STXBP5L: variants seen among roughly 807,000 people sequenced by gnomAD.
STXBP5L encodes syntaxin-binding protein 5-like.
A neutral mutation model predicts 144.5 loss-of-function variants in STXBP5L; 65 were observed. The ratio of observed to expected loss-of-function variants is 0.45; its 90% CI spans 0.37 to 0.55. The LOEUF (loss-of-function observed/expected upper bound fraction) is 0.55. STXBP5L is among the 20% of genes least tolerant of loss of function. The pLI is 0.00. For missense variants in STXBP5L, 1,298 were observed against 1,405.5 expected (o/e 0.92, Z 1.22); for synonymous variants, 505 against 469.6 (o/e 1.08, Z -0.97).
At chr3:121,381,254 C>T (rs1194752691) in intron 21 of STXBP5L, 39 bp from the exon 22 acceptor site, 1 of 1,509,498 alleles carries the variant, frequency 6.6e-7, no homozygotes, top group East Asian at 2.3e-5. Context: ...TGGAAATATA[C>T]TAACAATTTG....
chr3:121,098,897 T>G (rs1215492191), intron 5 of STXBP5L, among the ~76,000 whole-genome samples: 1 of 152,074 alleles, frequency 6.6e-6, no homozygotes, highest in Non-Finnish European at 1.5e-5. Flanking sequence ...AGAAAATAAT[T>G]TTCTCCATTT....
chr3:121,400,280 T>G (rs1292277953), intron 22 of STXBP5L, among the ~76,000 whole-genome samples: 1 of 152,162 alleles, frequency 6.6e-6, no homozygotes, highest in African/African-American at 2.4e-5. Context: ...CACTTTCACT[T>G]TCCACTGCTT....
chr3:121,332,863 GA>G (rs142938207), intron 20 of STXBP5L, among the ~76,000 whole-genome samples: 15,146 of 146,640 alleles, frequency 0.1, 1,187 homozygotes, highest in Admixed American at 0.21. Flanking sequence ...ATAAGAACGT[GA>G]AAAAAAAAAG....
At chr3:120,992,765 G>A (rs1350199672) in intron 3 of STXBP5L, among the ~76,000 whole-genome samples, 2 of 151,932 alleles carry the variant, frequency 1.3e-5, no homozygotes, top group Non-Finnish European at 1.5e-5. Flanking sequence ...AATAAACATG[G>A]AACTGCAGAT....
At chr3:121,280,069 C>A in intron 19 of STXBP5L, 113 bp downstream of exon 19, 1 of 1,252,114 alleles carries the variant, frequency 8.0e-7, no homozygotes, top group South Asian at 1.5e-5. Flanking sequence ...AAAATAAAAT[C>A]AACATAATTT....
At chr3:121,321,758 T>C (rs985604794) in intron 20 of STXBP5L, among the ~76,000 whole-genome samples, 42 of 152,206 alleles carry the variant, frequency 2.8e-4, no homozygotes, top group African/African-American at 9.6e-4. Context: ...GATGAAAAGA[T>C]TGATGCAAAT....
intron 5 of STXBP5L, among the ~76,000 whole-genome samples, chr3:121,049,884 T>C (rs960411612): frequency 8.5e-5 from 13 of 152,122 alleles, no homozygotes; most frequent in African/African-American, 3.1e-4. Flanking sequence ...TCCACATAAC[T>C]CTTTGCATGT....
intron 20 of STXBP5L, among the ~76,000 whole-genome samples, chr3:121,328,895 T>C (rs1055804342): frequency 2.6e-5 from 4 of 152,134 alleles, no homozygotes; most frequent in Admixed American, 2.6e-4. Context: ...CTGTTCCTTG[T>C]AACTACCACC....
chr3:120,970,857 GAACT>G (rs2107793468), intron 3 of STXBP5L, among the ~76,000 whole-genome samples: 2 of 152,136 alleles, frequency 1.3e-5, no homozygotes, highest in Non-Finnish European at 2.9e-5. Flanking sequence ...CAATTCACTG[GAACT>G]AACTTATTGC....
chr3:121,244,655 A>G (rs338958), intron 14 of STXBP5L, among the ~76,000 whole-genome samples: 119,591 of 151,968 alleles, frequency 0.79, 47,284 homozygotes, highest in East Asian at 0.93. Context: ...GAAAATCAAA[A>G]ACAAAAAGAA....
At chr3:121,034,584 G>C (rs1346585073) in intron 3 of STXBP5L, among the ~76,000 whole-genome samples, 2 of 149,674 alleles carry the variant, frequency 1.3e-5, no homozygotes, top group Non-Finnish European at 3.0e-5. Flanking sequence ...ATCTATCTAT[G>C]TATCTATCTA....
rs1244768939 is a variant in STXBP5L at position 121,407,396 on chromosome 3, C to A, written c.2741C>A (p.Ser914Tyr). 3 of 1,613,060 alleles carry A rather than the reference C, an allele frequency of 1.9e-6. No individual in the cohort carries two copies. Among genetic ancestry groups the A allele is most frequent in the Admixed American group, 3.3e-5 (2 of 59,870 alleles). The change falls in exon 23 of 27, where the codon TCT becomes TAT. Residue 914 changes from serine (S) to tyrosine (Y), a missense_variant. Physicochemically the swap from Ser to Tyr is moderately radical, Grantham distance 144 (BLOSUM62 -2). Transcript: ENST00000471454. ...AGAAGGAAAGTGGTAATGAACTCAT[C>A]TTCTGCATCCCAAGAAATAGGAGAT... ...SWRRKVVMNS[S>Y]SASQEIGDHQ...
chr3:121,051,837 C>T (rs925689207), intron 5 of STXBP5L, among the ~76,000 whole-genome samples: 1 of 151,938 alleles, frequency 6.6e-6, no homozygotes. Flanking sequence ...TGATAGACCG[C>T]TAGCAAGACT....
chr3:121,180,356 A>G (rs2047093473), intron 9 of STXBP5L, among the ~76,000 whole-genome samples: 1 of 152,220 alleles, frequency 6.6e-6, no homozygotes, highest in South Asian at 2.1e-4. Flanking sequence ...TTAATGAAGG[A>G]GAGACGTAAA....
intron 16 of STXBP5L, among the ~76,000 whole-genome samples, chr3:121,255,443 G>A (rs1245112175): frequency 6.6e-6 from 1 of 151,670 alleles, no homozygotes; most frequent in Non-Finnish European, 1.5e-5. Flanking sequence ...CTACCTGGCC[G>A]AAATAAGTCA....
intron 20 of STXBP5L, among the ~76,000 whole-genome samples, chr3:121,371,610 A>G (rs1418647648): frequency 6.6e-6 from 1 of 152,196 alleles, no homozygotes; most frequent in Non-Finnish European, 1.5e-5. Flanking sequence ...TAGTAGTGGC[A>G]GTATGTCTGG....
intron 9 of STXBP5L, among the ~76,000 whole-genome samples, chr3:121,204,069 C>T (rs1355716252): frequency 6.6e-6 from 1 of 152,064 alleles, no homozygotes; most frequent in Non-Finnish European, 1.5e-5. Flanking sequence ...GAAATTCTGT[C>T]TCTACTAAAA....
chr3:121,057,287 T>C (rs1417024181), intron 5 of STXBP5L, among the ~76,000 whole-genome samples: 1 of 152,020 alleles, frequency 6.6e-6, no homozygotes, highest in Non-Finnish European at 1.5e-5. Context: ...TCTTGCTTTT[T>C]TCCCTCTATA....
intron 5 of STXBP5L, among the ~76,000 whole-genome samples, chr3:121,114,556 C>T (rs17195196): frequency 0.21 from 32,488 of 151,944 alleles, 3,707 homozygotes; most frequent in Non-Finnish European, 0.26. Flanking sequence ...ATTTTGTAAC[C>T]AAACAGGAAA....
Sources: gnomAD v4.1 joint callset for allele counts (sites outside exome capture counted in the v4.1 genomes callset) on GRCh38, gnomAD v4.1.1 for gene constraint, MANE v1.5 for transcripts, NCBI Gene and HGNC (gene_info 2026-07-23, HGNC 2026-07-21) for gene names.